Variants in PCIF1 observed in about 807,000 individuals in gnomAD.
PCIF1 encodes the protein phosphorylated CTD interacting factor 1, also known as mRNA (2'-O-methyladenosine-N(6)-)-methyltransferase.
In PCIF1, 12 loss-of-function variants were observed where a neutral mutation model predicts 86.9. That is an observed-to-expected ratio of 0.14 (90% CI 0.09 to 0.22). The LOEUF (loss-of-function observed/expected upper bound fraction) is 0.22, where lower values mean the gene tolerates loss of function less well. Ranked by LOEUF, PCIF1 falls within the 10% of genes least tolerant of loss-of-function variation. The probability of loss-of-function intolerance (pLI) is 1.00; values close to 1 mark genes in which losing one functional copy is unlikely to be tolerated. For synonymous variants in PCIF1, 397 were observed against 372.0 expected (o/e 1.07, Z -0.77); for missense variants, 701 against 951.1 (o/e 0.74, Z 3.46).
At chr20:45,935,086 CGGGGGCGGGAGCGCGCGGCGGGGCG>C (rs1382034240) in intron 1 of PCIF1, among the ~76,000 whole-genome samples, 3 of 150,878 alleles carry the variant, frequency 2.0e-5, no homozygotes, top group Admixed American at 6.6e-5. Context: ...CGCCTCAGCC[CGGGGGCGGGAGCGCGCGGCGGGGCG>C]GGGGGCGGAG....
rs769748383 is a variant in PCIF1 at position 45,946,381 on chromosome 20, G to A, written c.1610G>A (p.Arg537His). 2.5e-6 allele frequency: 4 copies of A among 1,612,750 alleles called. No homozygotes were observed. Among genetic ancestry groups the A allele is most frequent in the East Asian group, 2.2e-5 (1 of 44,880 alleles). The stretch of plus-strand genomic sequence containing the variant: ...GACACAGACGGCTACTTTGGCTCCC[G>A]CGGGTGAGGGCCAAGGGCTGCCCCT... ...FPDTDGYFGS[R>H]GPCLDFAPLS... Residue 537 changes from arginine to histidine, a missense_variant, in exon 14 of 17, where the codon CGC becomes CAC. Around this residue, in one of 7 missense-constraint regions of PCIF1, gnomAD observed 61 missense variants for 118.5 expected, o/e 0.51. Coordinates refer to ENST00000372409, the MANE Select transcript of PCIF1 (RefSeq NM_022104.4).
chr20:45,947,148 C>T lies in PCIF1; in HGVS notation c.1689C>T (p.Ala563=), dbSNP rs1160773805. ...CCTTCTGCGAGGAGCTCATGGATGC[C>T]ATGGTCTCTCACTTTGAGGTGGGTG... is the stretch of plus-strand genomic sequence containing the variant. ...NPPFCEELMD[A]MVSHFERLLE... is the part of the protein sequence containing the mutation. The change falls in exon 15 of 17, where the codon GCC becomes GCT. Residue 563 remains alanine (A), a synonymous_variant. Coordinates refer to ENST00000372409, the MANE Select transcript of PCIF1 (RefSeq NM_022104.4). The surrounding 1 kb of genome is among the most constrained non-coding windows in gnomAD (Gnocchi z 5.4). 8 of 1,613,182 alleles carry T rather than the reference C, an allele frequency of 5.0e-6. No individual in the cohort carries two copies. Among genetic ancestry groups the T allele is most frequent in the South Asian group, 4.4e-5 (4 of 91,066 alleles).
intron 11 of PCIF1, 144 bp from the exon 12 acceptor site, chr20:45,945,567 T>A (rs2083516494): frequency 4.7e-6 from 5 of 1,073,446 alleles, no homozygotes; most frequent in Non-Finnish European, 6.5e-6. Context: ...TTTTATGGCT[T>A]TTCATTCCCT....
Position 45,934,807 on chromosome 20 carries a change from A to G in PCIF1, c.-188+3A>G. The G allele has an allele frequency of 2.5e-6, 1 of 398,116 alleles. No homozygotes were observed. Among genetic ancestry groups the G allele is most frequent in the Non-Finnish European group, 4.4e-6 (1 of 225,748 alleles). The allele number at this position is 398,116 out of a possible 1,614,324, so 24.7% of individuals were successfully genotyped here. On this transcript the variant is annotated splice_donor_region_variant and intron_variant, in intron 1 of 16. Transcript: ENST00000372409. ...CCCCTCCAGTCCGCTCCGGGCAGGT[A>G]AGAGTCCCAGGAAGCCATGGTCCCG...
intron 11 of PCIF1, 115 bp downstream of exon 11, chr20:45,945,145 C>T (rs2083511609): frequency 2.4e-6 from 3 of 1,257,344 alleles, no homozygotes; most frequent in South Asian, 1.5e-5. Flanking sequence ...CAGAACCTGC[C>T]TGTGTCCTTT....
At position 45,934,690 on chromosome 20, in the gene PCIF1, C is replaced by G; in HGVS notation, c.-302C>G. The G allele has an allele frequency of 2.5e-6, 1 of 398,546 alleles. No individual in the cohort carries two copies. The highest frequency in any genetic ancestry group is 4.4e-6 in the Non-Finnish European group (1 of 225,748). 24.7% of individuals were successfully genotyped at this position (398,546 alleles called of 1,614,324 possible). A position where few individuals can be genotyped will look rare whatever the true frequency, so the allele number is the denominator to read the frequency against. On this transcript the variant is annotated 5_prime_UTR_variant, in exon 1 of 17. Transcript: ENST00000372409. ...TACCAGCGCATGCGCAGCGCGGAGT[C>G]CCGGCCCGGGACACAAGATGGCGGC...
At position 45,947,475 on chromosome 20, in the gene PCIF1, T is replaced by TGGCCA. The variant is rs1408716571; in HGVS notation, c.1884-39_1884-35dup. On this transcript the variant is annotated intron_variant, in intron 16 of 16. Transcript: ENST00000372409. This position sits in a 1 kb window ranked among gnomAD's most constrained non-coding sequence, Gnocchi z 5.4. ...GGAGGGCAGGGGAAGGAGGCTGGGCTGGCCAGGCCAGGCCCAGCCCCACCC... is the reference window on the plus strand; with the variant it reads ...GGAGGGCAGGGGAAGGAGGCTGGGCTGGCCAGGCCAGGCCAGGCCCAGCCCCACCC... 7.4e-6 allele frequency: 12 copies of TGGCCA among 1,613,200 alleles called. No homozygotes were observed. Among genetic ancestry groups the TGGCCA allele is most frequent in the South Asian group, 2.2e-5 (2 of 91,082 alleles).
At chr20:45,940,290 AC>A (rs1247244041) in intron 4 of PCIF1, among the ~76,000 whole-genome samples, 184 bp from the exon 5 acceptor site, 1 of 152,176 alleles carries the variant, frequency 6.6e-6, no homozygotes, top group Non-Finnish European at 1.5e-5. Context: ...AAGGGAAGTA[AC>A]ACACCCTGTC....
chr20:45,945,816 A>G lies in PCIF1; in HGVS notation c.1274A>G (p.Asn425Ser). ...CCCAGCGTGGAGATGCACATGGAGA[A>G]CAACGTGGTCTGCATCCGGTATAAG... ...PMPSVEMHME[N>S]NVVCIRYKGE... Residue 425 changes from asparagine to serine, a missense_variant, in exon 12 of 17, where the codon AAC becomes AGC. Around this residue, in one of 7 missense-constraint regions of PCIF1, gnomAD observed 121 missense variants for 131.7 expected, o/e 0.92. Coordinates refer to ENST00000372409, the MANE Select transcript of PCIF1 (RefSeq NM_022104.4). 1 of 1,613,868 alleles carries G rather than the reference A, an allele frequency of 6.2e-7. No individual in the cohort carries two copies. Among genetic ancestry groups the G allele is most frequent in the Non-Finnish European group, 8.5e-7 (1 of 1,180,030 alleles).
chr20:45,946,067 C>T lies in PCIF1; in HGVS notation c.1380C>T (p.Ala460=). Residue 460 remains alanine (A), a synonymous_variant, in exon 13 of 17, where the codon GCC becomes GCT. Transcript: ENST00000372409. ...LYRYSCIDDS[A]FERFLPRVWC... is the part of the protein sequence containing the mutation. The stretch of plus-strand genomic sequence containing the variant: ...GCTACAGCTGCATTGATGACTCTGC[C>T]TTTGAGAGGTTCCTGCCCCGGGTCT... 1 of 1,614,154 alleles carries T rather than the reference C, an allele frequency of 6.2e-7. No homozygotes were observed. Among genetic ancestry groups the T allele is most frequent in the Non-Finnish European group, 8.5e-7 (1 of 1,180,016 alleles).
chr20:45,939,553 G>A lies in PCIF1; in HGVS notation c.249+214G>A, dbSNP rs75381651. ...ACAGATGATTGCATGGCTGCTGCAC[G>A]GTGGGTGCTGTGCCGCGAGGCAGGA... On this transcript the variant is annotated intron_variant, in intron 4 of 16. Transcript: ENST00000372409. Among the ~76,000 whole-genome samples, 1,436 of 152,362 alleles carry A rather than the reference G, an allele frequency of 9.4e-3. 20 individuals are homozygous for A. The highest frequency in any genetic ancestry group is 0.033 in the African/African-American group (1,367 of 41,576).
chr20:45,945,730 G>C lies in PCIF1; in HGVS notation c.1188G>C (p.Glu396Asp). 8 of 1,613,660 alleles carry C rather than the reference G, an allele frequency of 5.0e-6. No homozygotes were observed. The highest frequency in any genetic ancestry group is 6.8e-6 in the Non-Finnish European group (8 of 1,179,860). Residue 396 changes from glutamate (E) to aspartate (D), a missense_variant, in exon 12 of 17, where the codon GAG (glutamate) becomes GAC (aspartate). Glu to Asp is a conservative substitution (Grantham distance 45, BLOSUM62 2). Coordinates refer to ENST00000372409, the MANE Select transcript of PCIF1 (RefSeq NM_022104.4). ...NNISEEVEAP[E>D]VEPRLVYCYP... ...CCACAGAGGAGGTGGAGGCCCCTGA[G>C]GTGGAGCCCCGCCTAGTGTACTGCT...
Position 45,947,655 on chromosome 20 carries a change from G to GCAGCCA in PCIF1, c.2020_2025dup (p.His674_Ser675dup). 6.2e-7 allele frequency: 1 copy of GCAGCCA among 1,612,330 alleles called. No homozygotes were observed. Among genetic ancestry groups the GCAGCCA allele is most frequent in the South Asian group, 1.1e-5 (1 of 91,076 alleles). On this transcript the variant is annotated inframe_insertion, in exon 17 of 17. Coordinates refer to ENST00000372409, the MANE Select transcript of PCIF1 (RefSeq NM_022104.4). The surrounding 1 kb of genome is among the most constrained non-coding windows in gnomAD (Gnocchi z 5.4). ...AGTGCTGCCTACCGGCAGTCAGGCCGCAGCCACAGCTCTGGTTCTTCCTCA... is the reference window on the plus strand; with the variant it reads ...AGTGCTGCCTACCGGCAGTCAGGCCGCAGCCACAGCCACAGCTCTGGTTCTTCCTCA...
intron 14 of PCIF1, 99 bp from the exon 15 acceptor site, chr20:45,946,974 A>G: frequency 1.0e-6 from 1 of 958,950 alleles, no homozygotes; most frequent in East Asian, 2.4e-5. Flanking sequence ...TGGACAGGCC[A>G]TCTCTTCAGT....
At chr20:45,945,683 G>C in intron 11 of PCIF1, 28 bp from the exon 12 acceptor site, 1 of 1,605,894 alleles carries the variant, frequency 6.2e-7, no homozygotes, top group Middle Eastern at 1.7e-4. Context: ...TGAGGAGTGT[G>C]GTCCCTCACT....
intron 2 of PCIF1, among the ~76,000 whole-genome samples, chr20:45,938,157 G>A (rs1600500788): frequency 6.6e-6 from 1 of 152,272 alleles, no homozygotes; most frequent in Middle Eastern, 3.4e-3. Flanking sequence ...GCTTTGGGTG[G>A]GGGAGTAGGG....
At chr20:45,945,143 G>A (rs945655067) in intron 11 of PCIF1, 113 bp downstream of exon 11, 4 of 1,267,272 alleles carry the variant, frequency 3.2e-6, no homozygotes, top group Non-Finnish European at 4.3e-6. Context: ...GGCAGAACCT[G>A]CCTGTGTCCT....
rs1415471470 is a variant in PCIF1 at position 45,941,086 on chromosome 20, T to C, written c.552T>C (p.Ala184=). 8 of 1,614,090 alleles carry C rather than the reference T, an allele frequency of 5.0e-6. No individual in the cohort carries two copies. The highest frequency in any genetic ancestry group is 6.8e-6 in the Non-Finnish European group (8 of 1,180,040). Residue 184 remains alanine (A), a synonymous_variant, in exon 7 of 17, where the codon GCT becomes GCC. Coordinates refer to ENST00000372409, the MANE Select transcript of PCIF1 (RefSeq NM_022104.4). ...GGGACCTGGACATCCAGACCAATGC[T>C]GTCATCAAGCACCGGGGGCCTTCAG... is the stretch of plus-strand genomic sequence containing the variant. ...VYWDLDIQTN[A]VIKHRGPSEV...
intron 1 of PCIF1, among the ~76,000 whole-genome samples, chr20:45,935,052 T>C (rs1478107220): frequency 6.6e-6 from 1 of 151,364 alleles, no homozygotes; most frequent in Non-Finnish European, 1.5e-5. Flanking sequence ...GCCACCGCCT[T>C]TGTGTCGGGC....
Sources: gnomAD v4.1 joint callset for allele counts (sites outside exome capture counted in the v4.1 genomes callset) on GRCh38, gnomAD v4.1.1 for gene constraint, gnomAD v4.1.1 regional missense constraint, Gnocchi (gnomAD v3.1) non-coding constraint, MANE v1.5 for transcripts, NCBI Gene and HGNC (gene_info 2026-07-23, HGNC 2026-07-21) for gene names.